The following GPR89B variants were observed in gnomAD, a reference collection of about 807,000 sequenced individuals.
GPR89B encodes G protein-coupled receptor 89B.
GPR89B carries 25 observed loss-of-function variants against 52.4 expected under a neutral mutation model. The observed-to-expected ratio is 0.48, with a 90% CI of 0.35 to 0.67. The LOEUF (loss-of-function observed/expected upper bound fraction) is 0.67, where lower values mean the gene tolerates loss of function less well. Among genes scored for constraint, GPR89B ranks in the 30% least tolerant of loss-of-function variants. The pLI is 0.01. For synonymous variants in GPR89B, 52 were observed against 151.2 expected (o/e 0.34, Z 4.81); for missense variants, 146 against 450.2 (o/e 0.32, Z 6.11).
intron 10 of GPR89B, among the ~76,000 whole-genome samples, chr1:147,975,564 A>C (rs1462423400): frequency 1.3e-5 from 2 of 151,910 alleles, no homozygotes; most frequent in African/African-American, 4.8e-5. Flanking sequence ...CTTCTTTATT[A>C]GTCTAGTAGT....
At chr1:148,004,211 C>T in the GPR89B span, among the ~76,000 whole-genome samples, 1 of 149,074 alleles carries the variant, frequency 6.7e-6, no homozygotes, top group Non-Finnish European at 1.5e-5. Flanking sequence ...GGCTGGAGTG[C>T]AGTGGCACTA....
intron 5 of GPR89B, among the ~76,000 whole-genome samples, chr1:147,950,302 C>T (rs1443363596): frequency 1.3e-5 from 2 of 150,392 alleles, no homozygotes; most frequent in Non-Finnish European, 1.5e-5. Context: ...GACGGGGCGG[C>T]GGGGCAGAGG....
At chr1:148,017,534 A>C in the GPR89B span, among the ~76,000 whole-genome samples, 1 of 148,964 alleles carries the variant, frequency 6.7e-6, no homozygotes, top group Non-Finnish European at 1.5e-5. Flanking sequence ...GGAGATCGAG[A>C]CCATCCTGGC....
chr1:148,003,738 G>T, the GPR89B span: 1 of 429,142 alleles, frequency 2.3e-6, no homozygotes, highest in Non-Finnish European at 4.1e-6. Flanking sequence ...GTCAGAATGG[G>T]ATGAGGAATT....
chr1:148,009,397 A>G, the GPR89B span: 1 of 1,611,998 alleles, frequency 6.2e-7, no homozygotes, highest in African/African-American at 1.3e-5. Context: ...ACGAGATAGC[A>G]GAGCCGGGGC....
chr1:147,951,472 A>T (rs1320343059), intron 5 of GPR89B, among the ~76,000 whole-genome samples: 2 of 152,072 alleles, frequency 1.3e-5, no homozygotes, highest in Non-Finnish European at 2.9e-5. Flanking sequence ...AACTTCTTTT[A>T]AGAAGCCTGT....
At chr1:147,931,427 TAAG>T (rs1553246986) in intron 1 of GPR89B, among the ~76,000 whole-genome samples, 4 of 152,180 alleles carry the variant, frequency 2.6e-5, no homozygotes, top group African/African-American at 7.2e-5. Context: ...TCATTTTTAA[TAAG>T]AAGCTATACG....
At chr1:147,989,940 T>G (rs1235406286) in intron 12 of GPR89B, among the ~76,000 whole-genome samples, 3 of 152,198 alleles carry the variant, frequency 2.0e-5, no homozygotes, top group Non-Finnish European at 4.4e-5. Flanking sequence ...GCATGTGTCT[T>G]TATAGCAGCA....
intron 10 of GPR89B, among the ~76,000 whole-genome samples, chr1:147,970,519 C>CTCTCTCTCTCTCTCTCTCTA: frequency 6.7e-6 from 1 of 150,164 alleles, no homozygotes; most frequent in South Asian, 2.1e-4. Flanking sequence ...CTCTCTCTCT[C>CTCTCTCTCTCTCTCTCTCTA]TCTCTCTCTC....
chr1:148,015,722 A>G, the GPR89B span, among the ~76,000 whole-genome samples: 1 of 150,082 alleles, frequency 6.7e-6, no homozygotes, highest in Non-Finnish European at 1.5e-5. Flanking sequence ...TTATGATTAC[A>G]TATAATGTTC....
At chr1:147,977,745 G>A (rs1281288653) in intron 10 of GPR89B, among the ~76,000 whole-genome samples, 8 of 148,382 alleles carry the variant, frequency 5.4e-5, no homozygotes, top group Admixed American at 1.4e-4. Flanking sequence ...TAGTCTTCAA[G>A]CTCTGAGATT....
At chr1:147,935,256 ATC>A (rs1653985788) in intron 1 of GPR89B, among the ~76,000 whole-genome samples, 2 of 151,980 alleles carry the variant, frequency 1.3e-5, no homozygotes, top group South Asian at 4.1e-4. Flanking sequence ...AAGAATATGG[ATC>A]TAAAGAACCA....
At chr1:148,022,050 C>T in the GPR89B span, 1 of 150,010 alleles carries the variant, frequency 6.7e-6, no homozygotes, top group East Asian at 2.0e-4. Flanking sequence ...AGAGCAGAAC[C>T]GAAAATACTT....
the GPR89B span, among the ~76,000 whole-genome samples, chr1:148,021,298 C>T: frequency 6.6e-6 from 1 of 151,504 alleles, no homozygotes; most frequent in African/African-American, 2.4e-5. Flanking sequence ...GTCAGGAGAT[C>T]GAGACCATCC....
the GPR89B span, among the ~76,000 whole-genome samples, chr1:148,007,446 A>G: frequency 1.3e-3 from 201 of 152,122 alleles, 1 homozygote; most frequent in African/African-American, 4.6e-3. Flanking sequence ...TTTGATACCA[A>G]GAGCATATGA....
chr1:147,980,921 A>G (rs1285182655), intron 10 of GPR89B, among the ~76,000 whole-genome samples: 54 of 149,136 alleles, frequency 3.6e-4, no homozygotes, highest in Admixed American at 8.0e-4. Flanking sequence ...GCAACCACTA[A>G]TCTATTTTCT....
At chr1:147,947,349 A>C (rs1320912793) in intron 5 of GPR89B, among the ~76,000 whole-genome samples, 2 of 152,272 alleles carry the variant, frequency 1.3e-5, no homozygotes, top group Non-Finnish European at 2.9e-5. Context: ...AAAAAAAAAA[A>C]AGATAAGACC....
chr1:147,980,878 A>G (rs2149087851), intron 10 of GPR89B, among the ~76,000 whole-genome samples: 1 of 139,518 alleles, frequency 7.2e-6, no homozygotes, highest in Non-Finnish European at 1.5e-5. Context: ...GTCATTCCCC[A>G]TTTCCCTCCA....
intron 10 of GPR89B, among the ~76,000 whole-genome samples, chr1:147,978,743 C>T (rs1306210348): frequency 2.0e-5 from 3 of 151,968 alleles, no homozygotes; most frequent in East Asian, 1.9e-4. Flanking sequence ...CCTAAAGAAG[C>T]GGTCTGGCCA....
Sources: gnomAD v4.1 joint callset for allele counts (sites outside exome capture counted in the v4.1 genomes callset) on GRCh38, gnomAD v4.1.1 for gene constraint, MANE v1.5 for transcripts, NCBI Gene and HGNC (gene_info 2026-07-23, HGNC 2026-07-21) for gene names.